FRAS1: variants seen among roughly 807,000 people sequenced by gnomAD.
FRAS1 encodes Fraser extracellular matrix complex subunit 1.
FRAS1 carries 290 observed loss-of-function variants against 435.2 expected under a neutral mutation model. The ratio of observed to expected loss-of-function variants is 0.67; its 90% CI spans 0.61 to 0.73. FRAS1 has a LOEUF of 0.73. FRAS1 is among the 30% of genes least tolerant of loss of function. FRAS1 has a pLI of 0.00. For synonymous variants in FRAS1, 1,800 were observed against 1,851.0 expected, an observed-to-expected ratio of 0.97 and a Z score of 0.71; for missense variants, 4,860 against 5,001.5, an observed-to-expected ratio of 0.97 and a Z score of 0.85.
chr4:78,287,861 G>A (rs905839960), intron 14 of FRAS1, among the ~76,000 whole-genome samples: 2 of 152,172 alleles, frequency 1.3e-5, no homozygotes, highest in Non-Finnish European at 2.9e-5. Context: ...AGATATGAGT[G>A]TAGCAGAGCC....
At chr4:78,325,166 A>G (rs1032222145) in intron 18 of FRAS1, among the ~76,000 whole-genome samples, 4 of 152,320 alleles carry the variant, frequency 2.6e-5, no homozygotes, top group East Asian at 1.9e-4. Context: ...TATCAGGGGA[A>G]TTTCAGCAAC....
chr4:78,499,841 T>G lies in FRAS1; in HGVS notation c.9236T>G (p.Val3079Gly). 1 of 1,613,550 alleles carries G rather than the reference T, an allele frequency of 6.2e-7. No individual in the cohort carries two copies. Among genetic ancestry groups the G allele is most frequent in the South Asian group, 1.1e-5 (1 of 91,022 alleles). ...RRGDQNRTSKVRCSTRDGSAQ... is the reference protein window; with the variant it reads ...RRGDQNRTSKGRCSTRDGSAQ... ...GGGGATCAGAACAGGACCTCCAAGG[T>G]TCGCTGCAGCACGCGGGATGGCTCT... Residue 3079 changes from valine (V) to glycine (G), a missense_variant, in exon 61 of 74, where the codon GTT (valine) becomes GGT (glycine). Val to Gly is a moderately radical substitution (Grantham distance 109, BLOSUM62 -3). Coordinates refer to ENST00000512123, the MANE Select transcript of FRAS1 (RefSeq NM_025074.7).
chr4:78,132,456 A>G (rs1471387441), intron 2 of FRAS1, among the ~76,000 whole-genome samples: 1 of 152,250 alleles, frequency 6.6e-6, no homozygotes, highest in Non-Finnish European at 1.5e-5. Context: ...TCATAAGCCC[A>G]TAGTGAATAG....
chr4:78,521,304 G>C (rs1372512925), intron 67 of FRAS1, among the ~76,000 whole-genome samples: 3 of 150,892 alleles, frequency 2.0e-5, no homozygotes, highest in African/African-American at 7.3e-5. Flanking sequence ...TCTATGTCAA[G>C]AACAGTGGAA....
intron 9 of FRAS1, among the ~76,000 whole-genome samples, chr4:78,273,209 T>C (rs1332831127): frequency 6.6e-6 from 1 of 152,214 alleles, no homozygotes; most frequent in Non-Finnish European, 1.5e-5. Flanking sequence ...TAAGGAGATT[T>C]TGGGCTGAGA....
Position 78,237,604 on chromosome 4 carries a change from G to A in FRAS1, c.203G>A (p.Cys68Tyr), listed in dbSNP as rs761750125. ...CKPAVCRNPQ[C>Y]AFEKGEVLQI... ...CCTGCTGTTTGCAGAAACCCTCAAT[G>A]TGCCTTTGAGAAGGTACGGTATCCT... The change falls in exon 3 of 74, where the codon TGT becomes TAT. Residue 68 changes from cysteine (C) to tyrosine (Y), a missense_variant. Coordinates refer to ENST00000512123, the MANE Select transcript of FRAS1 (RefSeq NM_025074.7). 1 of 1,601,458 alleles carries A rather than the reference G, an allele frequency of 6.2e-7. No homozygotes were observed. The highest frequency in any genetic ancestry group is 2.2e-5 in the East Asian group (1 of 44,712).
chr4:78,423,434 G>GATTACAGGCAT (rs1560719055), intron 34 of FRAS1, among the ~76,000 whole-genome samples: 6 of 151,862 alleles, frequency 4.0e-5, no homozygotes, highest in Non-Finnish European at 7.4e-5. Context: ...CAAAGTGCTG[G>GATTACAGGCAT]GAGCCACTGC....
intron 20 of FRAS1, among the ~76,000 whole-genome samples, chr4:78,342,046 T>C (rs17003143): frequency 0.021 from 3,195 of 152,204 alleles, 116 homozygotes; most frequent in African/African-American, 0.073. Context: ...GGAGAAACCA[T>C]GTGATGACAG....
rs1262077026 is a variant in FRAS1 at position 78,540,543 on chromosome 4, C to T, written c.11458C>T (p.His3820Tyr). 6.7e-7 allele frequency: 1 copy of T among 1,496,858 alleles called. No homozygotes were observed. The highest frequency in any genetic ancestry group is 8.9e-7 in the Non-Finnish European group (1 of 1,122,672). 92.7% of individuals were successfully genotyped at this position (1,496,858 alleles called of 1,614,324 possible). A position where few individuals can be genotyped will look rare whatever the true frequency, so the allele number is the denominator to read the frequency against. ...VDALYKVEAG[H>Y]QWYLQVIYII... ...TGTCCCCCTGCAGGTGGAAGCAGGA[C>T]ACCAGTGGTATCTCCAGGTCATCTA... Residue 3820 changes from histidine to tyrosine, a missense_variant, in exon 74 of 74, where the codon CAC becomes TAC. By Grantham distance (83) the His-to-Tyr change is moderately conservative. Transcript: ENST00000512123.
rs370360459 is a variant in FRAS1, at chr4:78,432,423, C to T, written c.5036C>T (p.Thr1679Ile). Residue 1679 changes from threonine (T) to isoleucine (I), a missense_variant, in exon 38 of 74, where the codon ACC becomes ATC. Transcript: ENST00000512123. The stretch of plus-strand genomic sequence containing the variant: ...CAGTATATACATGATGGTTCCTCTA[C>T]CCGGGAAGACAGCATGGAGATCTCA... ...ALQYIHDGSS[T>I]REDSMEISVT... The T allele has an allele frequency of 1.2e-6, 2 of 1,612,238 alleles. No individual in the cohort carries two copies. The highest frequency in any genetic ancestry group is 2.2e-5 in the East Asian group (1 of 44,858).
At chr4:78,263,803 C>T (rs1726227292) in intron 6 of FRAS1, among the ~76,000 whole-genome samples, 2 of 152,228 alleles carry the variant, frequency 1.3e-5, no homozygotes, top group Non-Finnish European at 2.9e-5. Flanking sequence ...AAATAGTTGT[C>T]AATTTAATTC....
intron 50 of FRAS1, among the ~76,000 whole-genome samples, chr4:78,468,463 A>G (rs1488688369): frequency 1.4e-5 from 2 of 140,158 alleles, no homozygotes; most frequent in Admixed American, 7.3e-5. Context: ...CACAGGGAAC[A>G]TCAGATAAAC....
chr4:78,326,714 G>T (rs115127317), intron 18 of FRAS1, among the ~76,000 whole-genome samples: 1,807 of 152,250 alleles, frequency 0.012, 33 homozygotes, highest in African/African-American at 0.042. Context: ...GGAAAAGTTT[G>T]CCCAAGAGTA....
At chr4:78,346,031 G>A (rs1368921560) in intron 20 of FRAS1, among the ~76,000 whole-genome samples, 1 of 152,178 alleles carries the variant, frequency 6.6e-6, no homozygotes, top group Non-Finnish European at 1.5e-5. Context: ...ATAGGTCAGG[G>A]CTTGAATTGC....
chr4:78,371,822 G>T (rs55666845), intron 23 of FRAS1, among the ~76,000 whole-genome samples: 1 of 152,008 alleles, frequency 6.6e-6, no homozygotes, highest in African/African-American at 2.4e-5. Flanking sequence ...AAAAACAACA[G>T]CAACAGCAAC....
rs576573201 is a variant in FRAS1, at chr4:78,117,874, G to A, written c.108+51858G>A. On this transcript the variant is annotated intron_variant, in intron 2 of 73. Transcript: ENST00000512123. ...CCAGCTTTGTTCCATTGCTGGTGAG[G>A]AGCTGCATTCCTTTGGTGGAGGAGA... Among the ~76,000 whole-genome samples, 17 of 152,356 alleles carry A rather than the reference G, an allele frequency of 1.1e-4. No homozygotes were observed. The South Asian group carries it at 3.5e-3, about 32-fold the overall frequency.
intron 29 of FRAS1, 109 bp downstream of exon 29, chr4:78,387,810 T>C (rs1578291729): frequency 2.7e-6 from 2 of 728,060 alleles, no homozygotes; most frequent in East Asian, 5.5e-5. Context: ...GTCATTCACT[T>C]ATTCAAATAT....
intron 42 of FRAS1, chr4:78,445,982 C>T (rs1469663337): frequency 7.9e-7 from 1 of 1,272,870 alleles, no homozygotes; most frequent in Non-Finnish European, 9.9e-7. Context: ...GATGCTTTGC[C>T]AGTCTCATAT....
At chr4:78,268,826 T>C (rs1726502827) in intron 9 of FRAS1, among the ~76,000 whole-genome samples, 1 of 152,242 alleles carries the variant, frequency 6.6e-6, no homozygotes, top group Non-Finnish European at 1.5e-5. Context: ...ATATGGGGAT[T>C]AGCTGCCAAA....
Sources: gnomAD v4.1 joint callset for allele counts (sites outside exome capture counted in the v4.1 genomes callset) on GRCh38, gnomAD v4.1.1 for gene constraint, MANE v1.5 for transcripts, NCBI Gene and HGNC (gene_info 2026-07-23, HGNC 2026-07-21) for gene names.